The following MACROD2 variants were observed in gnomAD, a reference collection of about 807,000 sequenced individuals.
MACROD2 encodes mono-ADP ribosylhydrolase 2, also known as ADP-ribose glycohydrolase MACROD2.
A neutral mutation model predicts 70.4 loss-of-function variants in MACROD2; 36 were observed. The ratio of observed to expected loss-of-function variants is 0.51; its 90% CI spans 0.39 to 0.68. The LOEUF (loss-of-function observed/expected upper bound fraction) is 0.68, where lower values mean the gene tolerates loss of function less well. MACROD2 is among the 30% of genes least tolerant of loss of function. The pLI, the probability that MACROD2 is intolerant of heterozygous loss-of-function variation, is 0.00. For missense variants in MACROD2, 496 were observed against 538.4 expected, an observed-to-expected ratio of 0.92 and a Z score of 0.78; for synonymous variants, 172 against 178.8, an observed-to-expected ratio of 0.96 and a Z score of 0.30.
Position 14,129,640 on chromosome 20 carries a change from T to G in MACROD2, c.271+43912T>G, listed in dbSNP as rs192150633. On this transcript the variant is annotated intron_variant, in intron 3 of 17. Coordinates refer to ENST00000684519, the MANE Select transcript of MACROD2 (RefSeq NM_001351661.2). Reference sequence around the variant, plus strand: ...AGCATGACATATTGTAGAGAAATCTTTCATGAAAAGAAGTAAATCGATGTT... The same window carrying G: ...AGCATGACATATTGTAGAGAAATCTGTCATGAAAAGAAGTAAATCGATGTT... Among the ~76,000 whole-genome samples, 142 of 152,318 alleles carry G rather than the reference T, an allele frequency of 9.3e-4. 1 individual carries two copies. Among genetic ancestry groups the G allele is most frequent in the Admixed American group, 4.4e-3 (67 of 15,314 alleles).
In MACROD2 at chr20:14,326,443, C is replaced by T; in HGVS notation, c.272-167036C>T. The T allele has an allele frequency of 6.2e-7, 1 of 1,613,878 alleles. No individual in the cohort carries two copies. Among genetic ancestry groups the T allele is most frequent in the Non-Finnish European group, 8.5e-7 (1 of 1,179,866 alleles). ...GGTGCTTACAATCCCACTGTCCTTACAATCAAACAGTTCTGCATTGAGATC... is the reference window on the plus strand; with the variant it reads ...GGTGCTTACAATCCCACTGTCCTTATAATCAAACAGTTCTGCATTGAGATC... On this transcript the variant is annotated intron_variant, in intron 3 of 17. Coordinates refer to ENST00000684519, the MANE Select transcript of MACROD2 (RefSeq NM_001351661.2). This position sits in a 1 kb window ranked among gnomAD's most constrained non-coding sequence, Gnocchi z 5.5.
chr20:15,494,705 G>A (rs74272197), intron 7 of MACROD2, among the ~76,000 whole-genome samples: 10,548 of 151,264 alleles, frequency 0.07, 597 homozygotes, highest in East Asian at 0.26. Context: ...TGGGGTATTA[G>A]AAGTATCTTA....
intron 5 of MACROD2, among the ~76,000 whole-genome samples, chr20:15,189,074 G>A (rs1404168622): frequency 1.3e-5 from 2 of 152,120 alleles, no homozygotes; most frequent in East Asian, 3.9e-4. Context: ...CCAATGACAT[G>A]TGGGTAACAG....
At chr20:15,453,590 G>C (rs1054403409) in intron 7 of MACROD2, among the ~76,000 whole-genome samples, 2 of 152,086 alleles carry the variant, frequency 1.3e-5, no homozygotes, top group African/African-American at 4.8e-5. Context: ...CAACAATCTT[G>C]ATAGATCAGT....
At chr20:14,959,712 T>C (rs888329925) in intron 5 of MACROD2, among the ~76,000 whole-genome samples, 3 of 152,190 alleles carry the variant, frequency 2.0e-5, no homozygotes, top group African/African-American at 7.2e-5. Flanking sequence ...CAGTACTGTT[T>C]CGCAACACAT....
At position 15,524,580 on chromosome 20, in the gene MACROD2, G is replaced by A. The variant is rs968471945; in HGVS notation, c.645+24733G>A. ...AATTTCTGTTCTAGGTGAATGATGC[G>A]TCACCTACAAAAGGCTTTGGTTTCT... On this transcript the variant is annotated intron_variant, in intron 8 of 17. Transcript: ENST00000684519. 9.9e-5 allele frequency among the ~76,000 whole-genome samples: 15 copies of A among 152,052 alleles called. No homozygotes were observed. The South Asian group carries it at 1.0e-3, about 11-fold the overall frequency.
intron 10 of MACROD2, among the ~76,000 whole-genome samples, chr20:15,927,089 A>G (rs2065501830): frequency 6.6e-6 from 1 of 152,220 alleles, no homozygotes; most frequent in African/African-American, 2.4e-5. Context: ...TTTGGGAACC[A>G]TTAGTTGAGA....
chr20:14,327,000 A>T lies in MACROD2; in HGVS notation c.272-166479A>T. The T allele has an allele frequency of 6.2e-7, 1 of 1,613,686 alleles. No individual in the cohort carries two copies. Among genetic ancestry groups the T allele is most frequent in the Non-Finnish European group, 8.5e-7 (1 of 1,179,770 alleles). ...CTATAGTCCTGGGCAAACCCCAGGGAATTGTGCTAAGGTGATTACGGGACA... is the reference window on the plus strand; with the variant it reads ...CTATAGTCCTGGGCAAACCCCAGGGTATTGTGCTAAGGTGATTACGGGACA... On this transcript the variant is annotated intron_variant, in intron 3 of 17. Transcript: ENST00000684519. This position sits in a 1 kb window ranked among gnomAD's most constrained non-coding sequence, Gnocchi z 5.5.
chr20:14,137,174 A>G (rs1235326762), intron 3 of MACROD2, among the ~76,000 whole-genome samples: 4 of 152,194 alleles, frequency 2.6e-5, no homozygotes, highest in African/African-American at 4.8e-5. Flanking sequence ...AAATTTAACT[A>G]CTACTAGCTT....
chr20:15,498,850 A>G (rs1293815927), intron 7 of MACROD2, among the ~76,000 whole-genome samples: 1 of 152,222 alleles, frequency 6.6e-6, no homozygotes, highest in Non-Finnish European at 1.5e-5. Context: ...ATAAAACATA[A>G]AAAAACTAGT....
intron 8 of MACROD2, among the ~76,000 whole-genome samples, chr20:15,630,606 T>G (rs2049274264): frequency 6.6e-6 from 1 of 152,222 alleles, no homozygotes; most frequent in African/African-American, 2.4e-5. Context: ...CATTAAGGAT[T>G]CAGGTTGCAT....
In MACROD2 at chr20:15,458,628, T is replaced by TTG. The variant is rs1384764117; in HGVS notation, c.571+27194_571+27195insGT. ...AATGAACTGTTTTTTTGTTTTTTTG[T>TTG]TTTTTTTTTTTAAAAAAAAAAAAGA... is the stretch of plus-strand genomic sequence containing the variant. On this transcript the variant is annotated intron_variant, in intron 7 of 17. Coordinates refer to ENST00000684519, the MANE Select transcript of MACROD2 (RefSeq NM_001351661.2). Among the ~76,000 whole-genome samples the TTG allele has an allele frequency of 5.4e-4, 70 of 129,540 alleles. 5 individuals are homozygous for TTG. The East Asian group carries it at 0.012, about 23-fold the overall frequency. 85.0% of individuals were successfully genotyped at this position (129,540 alleles called of 152,430 possible). A position where few individuals can be genotyped will look rare whatever the true frequency, so the allele number is the denominator to read the frequency against.
intron 6 of MACROD2, among the ~76,000 whole-genome samples, chr20:15,328,065 G>T (rs1387257320): frequency 6.6e-6 from 1 of 151,964 alleles, no homozygotes; most frequent in Non-Finnish European, 1.5e-5. Flanking sequence ...GGATCAGAAG[G>T]GTCAAATAAT....
chr20:15,793,755 C>T (rs929944670), intron 8 of MACROD2, among the ~76,000 whole-genome samples: 1 of 148,118 alleles, frequency 6.8e-6, no homozygotes, highest in African/African-American at 2.5e-5. Flanking sequence ...TGTGGTATGC[C>T]AAGAAATAAA....
At chr20:15,097,346 ATGC>A (rs2075841543) in intron 5 of MACROD2, among the ~76,000 whole-genome samples, 1 of 152,120 alleles carries the variant, frequency 6.6e-6, no homozygotes, top group South Asian at 2.1e-4. Context: ...ACAAAATGTA[ATGC>A]TTTTACTAAC....
chr20:15,324,993 CAGGTGGACAAAGTGTTCATCTTTGGACT>C (rs569380244), intron 6 of MACROD2, among the ~76,000 whole-genome samples: 5,402 of 152,226 alleles, frequency 0.035, 130 homozygotes, highest in South Asian at 0.098. Context: ...CCTCCTTCCA[CAGGTGGACAAAGTGTTCATCTTTGGACT>C]TACTGATAAA....
At chr20:16,026,553 C>G (rs1303270736) in intron 15 of MACROD2, among the ~76,000 whole-genome samples, 5 of 152,194 alleles carry the variant, frequency 3.3e-5, no homozygotes, top group Non-Finnish European at 5.9e-5. Flanking sequence ...CTGCAAGGCT[C>G]TCTCACCACT....
intron 5 of MACROD2, among the ~76,000 whole-genome samples, chr20:14,776,864 G>T (rs1264807780): frequency 6.6e-6 from 1 of 151,968 alleles, no homozygotes; most frequent in African/African-American, 2.4e-5. Flanking sequence ...TGGGCTAATA[G>T]ATAAGTTTTG....
chr20:15,017,263 T>A (rs1416422033), intron 5 of MACROD2, among the ~76,000 whole-genome samples: 2 of 152,180 alleles, frequency 1.3e-5, no homozygotes, highest in East Asian at 3.9e-4. Context: ...ACAGGGCTCA[T>A]GCAAGTCTGA....
Sources: gnomAD v4.1 joint callset for allele counts (sites outside exome capture counted in the v4.1 genomes callset) on GRCh38, gnomAD v4.1.1 for gene constraint, Gnocchi (gnomAD v3.1) non-coding constraint, MANE v1.5 for transcripts, NCBI Gene and HGNC (gene_info 2026-07-23, HGNC 2026-07-21) for gene names.